LDLRAD4: variants seen among roughly 807,000 people sequenced by gnomAD.
LDLRAD4 encodes low density lipoprotein receptor class A domain containing 4, also known as low-density lipoprotein receptor class A domain-containing protein 4.
In LDLRAD4, 5 loss-of-function variants were observed where a neutral mutation model predicts 17.0. The ratio of observed to expected loss-of-function variants is 0.29; its 90% confidence interval spans 0.15 to 0.62. The LOEUF (loss-of-function observed/expected upper bound fraction) is 0.62, where lower values mean the gene tolerates loss of function less well. LDLRAD4 is among the 20% of genes least tolerant of loss of function. The probability of loss-of-function intolerance (pLI) is 0.84; values close to 1 mark genes in which losing one functional copy is unlikely to be tolerated. For missense variants in LDLRAD4, 340 were observed against 424.7 expected (o/e 0.80, Z 1.75); for synonymous variants, 168 against 171.8 (o/e 0.98, Z 0.17).
chr18:13,570,030 G>A (rs1217174016), intron 3 of LDLRAD4, among the ~76,000 whole-genome samples: 1 of 152,210 alleles, frequency 6.6e-6, no homozygotes, highest in Non-Finnish European at 1.5e-5. Context: ...CTTAGAAAGT[G>A]TTTTGGGGGA....
At chr18:13,527,893 C>T (rs1601115185) in intron 3 of LDLRAD4, among the ~76,000 whole-genome samples, 2 of 152,196 alleles carry the variant, frequency 1.3e-5, no homozygotes, top group African/African-American at 4.8e-5. Context: ...CCCTGCTTCC[C>T]TCGCCATGGA....
Position 13,300,290 on chromosome 18 carries a change from C to T in LDLRAD4, c.-383+22102C>T, listed in dbSNP as rs2046517302. Among the ~76,000 whole-genome samples, 1 of 152,220 alleles carries T rather than the reference C, an allele frequency of 6.6e-6. No homozygotes were observed. The highest frequency in any genetic ancestry group is 6.5e-5 in the Admixed American group (1 of 15,292). On this transcript the variant is annotated intron_variant, in intron 1 of 5. Transcript: ENST00000359446. The surrounding 1 kb of genome is among the most constrained non-coding windows in gnomAD (Gnocchi z 4.2). ...CAGCCTCTTCCCACTCTCCTGCCCA[C>T]CCCGCGCCTGTGCTCTGCCTCAGCC...
intron 3 of LDLRAD4, chr18:13,520,666 A>G (rs992864321): frequency 6.6e-6 from 1 of 152,274 alleles, no homozygotes; most frequent in African/African-American, 2.4e-5. Flanking sequence ...AAGCCTGGGC[A>G]ACATAGGGAG....
At chr18:13,478,458 C>T (rs2093002906) in intron 3 of LDLRAD4, among the ~76,000 whole-genome samples, 1 of 152,192 alleles carries the variant, frequency 6.6e-6, no homozygotes, top group South Asian at 2.1e-4. Context: ...AAAATCCTTG[C>T]TTGGCTTCAC....
chr18:13,338,032 C>T (rs570165584), intron 1 of LDLRAD4, among the ~76,000 whole-genome samples: 4 of 152,202 alleles, frequency 2.6e-5, no homozygotes, highest in Non-Finnish European at 5.9e-5. Context: ...ATTTTTGTGC[C>T]TTCAGTTAAG....
chr18:13,448,433 C>A (rs1272919585), intron 3 of LDLRAD4, among the ~76,000 whole-genome samples: 2 of 152,180 alleles, frequency 1.3e-5, no homozygotes, highest in African/African-American at 4.8e-5. Flanking sequence ...CCACAACTGG[C>A]AGAGCTGTAG....
At chr18:13,568,179 A>G (rs2094633344) in intron 3 of LDLRAD4, among the ~76,000 whole-genome samples, 3 of 152,074 alleles carry the variant, frequency 2.0e-5, no homozygotes, top group Admixed American at 2.0e-4. Flanking sequence ...CTGCAGTCCC[A>G]GCTACTCAGG....
At chr18:13,387,502 G>T in exon 2 of LDLRAD4, 1 of 490,556 alleles carries the variant, frequency 2.0e-6, no homozygotes, top group Non-Finnish European at 3.6e-6. Context: ...GCCCTGGCTG[G>T]ACGGCTGACG....
intron 3 of LDLRAD4, among the ~76,000 whole-genome samples, chr18:13,569,152 T>A (rs2094649035): frequency 6.6e-6 from 1 of 152,248 alleles, no homozygotes; most frequent in Admixed American, 6.5e-5. Context: ...ATGTCATACT[T>A]TCATAGCAGA....
intron 3 of LDLRAD4, among the ~76,000 whole-genome samples, chr18:13,504,160 G>A (rs142177033): frequency 6.6e-6 from 1 of 152,284 alleles, no homozygotes; most frequent in African/African-American, 2.4e-5. Context: ...CCCAGAGTCC[G>A]TTCGCTGACC....
chr18:13,378,544 T>G (rs1461324989), intron 1 of LDLRAD4, among the ~76,000 whole-genome samples: 1 of 152,210 alleles, frequency 6.6e-6, no homozygotes, highest in Admixed American at 6.5e-5. Flanking sequence ...ATGTAAAAAC[T>G]TGGTCAAATT....
At chr18:13,308,679 A>G (rs2047055171) in intron 1 of LDLRAD4, among the ~76,000 whole-genome samples, 1 of 152,264 alleles carries the variant, frequency 6.6e-6, no homozygotes, top group Non-Finnish European at 1.5e-5. Flanking sequence ...CGTGTTTCAC[A>G]TCAGAGCCAT....
At chr18:13,389,677 GCCGTCT>G (rs1184858829) in intron 2 of LDLRAD4, among the ~76,000 whole-genome samples, 2 of 152,166 alleles carry the variant, frequency 1.3e-5, no homozygotes, top group Non-Finnish European at 2.9e-5. Context: ...GGGTTCTGGG[GCCGTCT>G]CCTCACCCTG....
chr18:13,397,970 G>A (rs767083553), intron 2 of LDLRAD4, among the ~76,000 whole-genome samples: 5 of 152,238 alleles, frequency 3.3e-5, no homozygotes, highest in East Asian at 3.8e-4. Context: ...ATATGTGGCC[G>A]TGTGTGCTCC....
intron 3 of LDLRAD4, among the ~76,000 whole-genome samples, chr18:13,550,867 A>T (rs888392619): frequency 6.6e-6 from 1 of 151,974 alleles, no homozygotes; most frequent in African/African-American, 2.4e-5. Flanking sequence ...TCTGTTTGGG[A>T]TGTCCCATTC....
intron 3 of LDLRAD4, among the ~76,000 whole-genome samples, chr18:13,571,438 C>G (rs940968014): frequency 9.9e-5 from 15 of 152,138 alleles, no homozygotes; most frequent in Non-Finnish European, 4.4e-5. Context: ...TACTAAGAAG[C>G]AAGCACTCTT....
At chr18:13,223,339 C>T (rs1457528418) in intron 1 of LDLRAD4, among the ~76,000 whole-genome samples, 3 of 152,230 alleles carry the variant, frequency 2.0e-5, no homozygotes, top group African/African-American at 7.2e-5. Context: ...ACTGGCTAGC[C>T]ATCCTCCATG....
chr18:13,497,906 C>A (rs954604686), intron 3 of LDLRAD4, among the ~76,000 whole-genome samples: 3 of 151,878 alleles, frequency 2.0e-5, no homozygotes, highest in African/African-American at 7.3e-5. Context: ...ACTGGAGAAT[C>A]CTTCTGCCCA....
intron 3 of LDLRAD4, among the ~76,000 whole-genome samples, chr18:13,571,526 G>A (rs2094690122): frequency 1.3e-5 from 2 of 152,216 alleles, no homozygotes; most frequent in East Asian, 1.9e-4. Flanking sequence ...GAGAAAACAT[G>A]TTCTTTAAGC....
Sources: gnomAD v4.1 joint callset for allele counts (sites outside exome capture counted in the v4.1 genomes callset) on GRCh38, gnomAD v4.1.1 for gene constraint, Gnocchi (gnomAD v3.1) non-coding constraint, MANE v1.5 for transcripts, NCBI Gene and HGNC (gene_info 2026-07-23, HGNC 2026-07-21) for gene names.